Variants in GNPTAB observed in about 807,000 individuals in gnomAD.
GNPTAB encodes N-acetylglucosamine-1-phosphotransferase subunits alpha/beta.
GNPTAB carries 92 observed loss-of-function variants against 136.6 expected under a neutral mutation model. The ratio of observed to expected loss-of-function variants is 0.67; its 90% confidence interval spans 0.57 to 0.80. The LOEUF (loss-of-function observed/expected upper bound fraction) is 0.80, where lower values mean the gene tolerates loss of function less well. Ranked by LOEUF, GNPTAB falls within the 30% of genes least tolerant of loss-of-function variation. The pLI is 0.00. For synonymous variants in GNPTAB, 512 were observed against 535.1 expected (o/e 0.96, Z 0.60); for missense variants, 1,343 against 1,501.8 (o/e 0.89, Z 1.75).
chr12:101,806,928 C>G (rs972203662), intron 1 of GNPTAB, among the ~76,000 whole-genome samples: 9 of 152,112 alleles, frequency 5.9e-5, no homozygotes, highest in African/African-American at 2.2e-4. Context: ...CTAATTCATT[C>G]TATGAGGCCA....
chr12:101,823,264 G>A (rs944310445), intron 1 of GNPTAB, among the ~76,000 whole-genome samples: 6 of 152,138 alleles, frequency 3.9e-5, no homozygotes, highest in African/African-American at 9.7e-5. Flanking sequence ...CCAGGTATGC[G>A]GTGTAGGCAG....
At chr12:101,763,830 A>G (rs1953039391) in intron 13 of GNPTAB, among the ~76,000 whole-genome samples, 1 of 152,186 alleles carries the variant, frequency 6.6e-6, no homozygotes, top group Admixed American at 6.5e-5. Context: ...TGGGGAAGCG[A>G]ATGAACTTAA....
chr12:101,787,878 A>G (rs1325613498), intron 4 of GNPTAB, among the ~76,000 whole-genome samples: 2 of 140,816 alleles, frequency 1.4e-5, no homozygotes, highest in Non-Finnish European at 3.0e-5. Flanking sequence ...GCGCCACTGC[A>G]CTCCAGCCTG....
At chr12:101,790,821 C>A (rs971943243) in intron 2 of GNPTAB, among the ~76,000 whole-genome samples, 7 of 151,418 alleles carry the variant, frequency 4.6e-5, no homozygotes, top group Admixed American at 1.3e-4. Flanking sequence ...AATGCTGTAG[C>A]CTTCTTGTGC....
At position 101,746,897 on chromosome 12, in the gene GNPTAB, C is replaced by T. The variant is rs779965656; in HGVS notation, c.*267G>A. 2 of 404,686 alleles carry T rather than the reference C, an allele frequency of 4.9e-6. No homozygotes were observed. Among genetic ancestry groups the T allele is most frequent in the Non-Finnish European group, 9.0e-6 (2 of 221,084 alleles). The allele number at this position is 404,686 out of a possible 1,614,324, so 25.1% of individuals were successfully genotyped here. ...TTAACAGCTGTCTCTTGTCAGTGAG[C>T]CTTTTTATAAAAAGGATGACAGGTC... On this transcript the variant is annotated 3_prime_UTR_variant, in exon 21 of 21. Transcript: ENST00000299314.
At position 101,761,297 on chromosome 12, in the gene GNPTAB, CA is replaced by C; in HGVS notation, c.2964del (p.Glu989ArgfsTer14). 1 of 1,614,132 alleles carries C rather than the reference CA, an allele frequency of 6.2e-7. No individual in the cohort carries two copies. The highest frequency in any genetic ancestry group is 8.5e-7 in the Non-Finnish European group (1 of 1,180,028). On this transcript the variant is annotated frameshift_variant, in exon 15 of 21. Transcript: ENST00000299314. LOFTEE classifies it high-confidence loss of function. ...DKTSFHKVRH[S>X]EDMQFAFSYF... is the part of the protein sequence containing the mutation. ...TAAGAGAAGGCAAACTGCATATCCT[CA>C]GAATGGCGCACTTTGTGAAATGACG...
intron 7 of GNPTAB, among the ~76,000 whole-genome samples, chr12:101,776,347 TTC>T (rs1953262263): frequency 6.6e-6 from 1 of 152,238 alleles, no homozygotes; most frequent in African/African-American, 2.4e-5. Flanking sequence ...AAAAGCTGAA[TTC>T]TGTGTCCGTC....
intron 1 of GNPTAB, among the ~76,000 whole-genome samples, chr12:101,810,016 C>T (rs879725984): frequency 6.6e-6 from 1 of 152,132 alleles, no homozygotes; most frequent in Non-Finnish European, 1.5e-5. Context: ...TGGTGATTCA[C>T]ACCTGTAATC....
chr12:101,769,544 G>C (rs1291744457), intron 10 of GNPTAB, among the ~76,000 whole-genome samples: 1 of 152,070 alleles, frequency 6.6e-6, no homozygotes, highest in African/African-American at 2.4e-5. Context: ...CTTAATTGCT[G>C]ATTTCTGAGC....
At chr12:101,792,283 G>C (rs983140305) in intron 2 of GNPTAB, among the ~76,000 whole-genome samples, 1 of 152,188 alleles carries the variant, frequency 6.6e-6, no homozygotes, top group African/African-American at 2.4e-5. Flanking sequence ...AGGACCCAGA[G>C]GCGAGTTCCC....
At chr12:101,782,640 C>A (rs961423283) in intron 5 of GNPTAB, among the ~76,000 whole-genome samples, 4 of 152,328 alleles carry the variant, frequency 2.6e-5, no homozygotes, top group African/African-American at 9.6e-5. Flanking sequence ...TAAGTCAGAT[C>A]ACATTACATT....
intron 7 of GNPTAB, chr12:101,778,921 G>C (rs1246260369): frequency 6.7e-6 from 1 of 149,950 alleles, no homozygotes; most frequent in Non-Finnish European, 1.5e-5. Context: ...AAAAAGCTAT[G>C]AAGAAAAATA....
At chr12:101,786,561 G>A (rs1291398409) in intron 4 of GNPTAB, among the ~76,000 whole-genome samples, 1 of 152,116 alleles carries the variant, frequency 6.6e-6, no homozygotes, top group African/African-American at 2.4e-5. Context: ...GACAGATTAG[G>A]AAGGAGGCAG....
chr12:101,769,080 G>A (rs1027666234), intron 10 of GNPTAB, among the ~76,000 whole-genome samples: 1 of 152,204 alleles, frequency 6.6e-6, no homozygotes, highest in Non-Finnish European at 1.5e-5. Flanking sequence ...AAGTAGTTTT[G>A]TGTTATTAGC....
At chr12:101,792,659 C>CA (rs1869057176) in intron 2 of GNPTAB, among the ~76,000 whole-genome samples, 1 of 152,174 alleles carries the variant, frequency 6.6e-6, no homozygotes, top group Non-Finnish European at 1.5e-5. Flanking sequence ...TCACCTCTCA[C>CA]AAAGAGAATC....
chr12:101,780,614 A>T lies in GNPTAB; in HGVS notation c.579T>A (p.Asp193Glu). 6.2e-7 allele frequency: 1 copy of T among 1,605,230 alleles called. No homozygotes were observed. The highest frequency in any genetic ancestry group is 8.5e-7 in the Non-Finnish European group (1 of 1,172,062). ...TTCCTTTAAGCAGTCCAGAGTGGGC[A>T]TCTTCAACTACAACCAAGAATACAA... ...VVFDSTKDVEDAHSGLLKGNS... is the reference protein window; with the variant it reads ...VVFDSTKDVEEAHSGLLKGNS... Residue 193 changes from aspartate to glutamate, a missense_variant, in exon 6 of 21, where the codon GAT (aspartate) becomes GAA (glutamate). By Grantham distance (45) the Asp-to-Glu change is conservative. Transcript: ENST00000299314.
At chr12:101,765,389 C>T (rs79662643) in intron 12 of GNPTAB, 85 bp from the exon 13 acceptor site, 1 of 943,106 alleles carries the variant, frequency 1.1e-6, no homozygotes, top group East Asian at 2.4e-5. Flanking sequence ...TCTGAGTTTT[C>T]ACTTTCTTTT....
intron 1 of GNPTAB, among the ~76,000 whole-genome samples, chr12:101,806,481 G>T (rs1193168097): frequency 6.6e-6 from 1 of 152,166 alleles, no homozygotes; most frequent in African/African-American, 2.4e-5. Flanking sequence ...GAAATAGTCA[G>T]TGGTGATGAT....
Position 101,760,179 on chromosome 12 carries a change from A to G in GNPTAB, c.3136-36T>C, listed in dbSNP as rs2137110745. 1.7e-6 allele frequency: 2 copies of G among 1,207,142 alleles called. 1 individual carries two copies. Among genetic ancestry groups the G allele is most frequent in the South Asian group, 2.4e-5 (2 of 82,866 alleles). The allele number at this position is 1,207,142 out of a possible 1,614,324, so 74.8% of individuals were successfully genotyped here. On this transcript the variant is annotated intron_variant, in intron 15 of 20. Transcript: ENST00000299314. ...AAAAGATGATAAATCTGTTATGCGCATTGTAAGTAATGACTGTGGTTTTAA... is the reference window on the plus strand; with the variant it reads ...AAAAGATGATAAATCTGTTATGCGCGTTGTAAGTAATGACTGTGGTTTTAA...
Sources: allele counts gnomAD v4.1 joint callset (sites outside exome capture counted in the v4.1 genomes callset), GRCh38; gene constraint gnomAD v4.1.1; transcripts MANE v1.5; gene names NCBI Gene and HGNC (gene_info 2026-07-23, HGNC 2026-07-21).